Variants in XRCC4 observed in about 807,000 individuals in gnomAD.
The protein encoded by XRCC4 is DNA repair protein XRCC4.
A neutral mutation model predicts 39.1 loss-of-function variants in XRCC4; 28 were observed. The ratio of observed to expected loss-of-function variants is 0.72; its 90% confidence interval spans 0.53 to 0.98. The LOEUF (loss-of-function observed/expected upper bound fraction) is 0.98. Ranked by LOEUF, XRCC4 falls within the 50% of genes least tolerant of loss-of-function variation. The pLI is 0.00. For synonymous variants in XRCC4, 123 were observed against 126.4 expected (o/e 0.97, Z 0.18); for missense variants, 350 against 376.4 (o/e 0.93, Z 0.58).
intron 7 of XRCC4, among the ~76,000 whole-genome samples, chr5:83,334,588 T>C: frequency 6.6e-6 from 1 of 151,866 alleles, no homozygotes; most frequent in East Asian, 1.9e-4. Flanking sequence ...AACAAATTAT[T>C]AAGGGAAAAA....
chr5:83,092,849 G>A (rs1745490480), intron 1 of XRCC4, among the ~76,000 whole-genome samples: 1 of 151,926 alleles, frequency 6.6e-6, no homozygotes, highest in Non-Finnish European at 1.5e-5. Flanking sequence ...AAGGAAAATT[G>A]CAAGAGATGA....
At chr5:83,313,471 C>A in intron 7 of XRCC4, among the ~76,000 whole-genome samples, 1 of 151,984 alleles carries the variant, frequency 6.6e-6, no homozygotes, top group Admixed American at 6.6e-5. Context: ...TTTTTTCCCC[C>A]CAGTTTTTAC....
intron 3 of XRCC4, among the ~76,000 whole-genome samples, chr5:83,152,654 GAAAT>G (rs1748767699): frequency 7.1e-6 from 1 of 140,800 alleles, no homozygotes; most frequent in Non-Finnish European, 1.6e-5. Context: ...AAAAAAAAAA[GAAAT>G]AGAACTTCAA....
At chr5:83,351,499 G>A (rs1246260107) in intron 7 of XRCC4, among the ~76,000 whole-genome samples, 1 of 152,116 alleles carries the variant, frequency 6.6e-6, no homozygotes, top group Middle Eastern at 3.4e-3. Context: ...AATGTTTAAC[G>A]TGTTTTGAGT....
chr5:83,262,359 T>G (rs1753782545), intron 7 of XRCC4, among the ~76,000 whole-genome samples: 1 of 152,164 alleles, frequency 6.6e-6, no homozygotes, highest in Non-Finnish European at 1.5e-5. Flanking sequence ...CATAAAGTTC[T>G]AAATTGAAAT....
chr5:83,124,019 A>C (rs1747138238), intron 3 of XRCC4, among the ~76,000 whole-genome samples: 1 of 152,172 alleles, frequency 6.6e-6, no homozygotes, highest in Non-Finnish European at 1.5e-5. Flanking sequence ...GATGATAACA[A>C]TATATAACTG....
intron 7 of XRCC4, among the ~76,000 whole-genome samples, chr5:83,311,842 TATTA>T (rs1284060113): frequency 6.6e-6 from 1 of 152,092 alleles, no homozygotes; most frequent in Non-Finnish European, 1.5e-5. Flanking sequence ...AAAGGCTATT[TATTA>T]AATATTCAAT....
chr5:83,119,430 G>A (rs954936627), intron 3 of XRCC4, among the ~76,000 whole-genome samples: 2 of 152,148 alleles, frequency 1.3e-5, no homozygotes, highest in African/African-American at 4.8e-5. Flanking sequence ...TGAGGACTAA[G>A]TAATGTAAGT....
rs145124932 is a variant in XRCC4, at chr5:83,214,896, C to T, written c.745+9975C>T. ...TAAAGAAATTAAGGAAAAGAATTGCCTTCACAATAGCATCAAAAAATACCT... is the reference window on the plus strand; with the variant it reads ...TAAAGAAATTAAGGAAAAGAATTGCTTTCACAATAGCATCAAAAAATACCT... On this transcript the variant is annotated intron_variant, in intron 6 of 7. Coordinates refer to ENST00000396027, the MANE Select transcript of XRCC4 (RefSeq NM_003401.5). 1.3e-4 allele frequency among the ~76,000 whole-genome samples: 19 copies of T among 150,396 alleles called. No individual in the cohort carries two copies. The East Asian group carries it at 3.7e-3, about 29-fold the overall frequency.
chr5:83,349,305 G>C (rs919135182), intron 7 of XRCC4, among the ~76,000 whole-genome samples: 1 of 152,150 alleles, frequency 6.6e-6, no homozygotes, highest in African/African-American at 2.4e-5. Context: ...TTCAGGTGGG[G>C]ACACAAAGCC....
intron 1 of XRCC4, among the ~76,000 whole-genome samples, chr5:83,088,497 T>C (rs900934483): frequency 1.3e-5 from 2 of 151,962 alleles, no homozygotes; most frequent in African/African-American, 4.8e-5. Context: ...TTCAACTTAA[T>C]GGGAAATTTT....
chr5:83,256,166 G>A (rs767137977), intron 6 of XRCC4, among the ~76,000 whole-genome samples: 15 of 152,184 alleles, frequency 9.9e-5, no homozygotes, highest in Non-Finnish European at 2.1e-4. Context: ...CTCCTTAGGA[G>A]TACAGATTTC....
At chr5:83,180,494 C>T (rs1750157407) in intron 3 of XRCC4, among the ~76,000 whole-genome samples, 1 of 152,112 alleles carries the variant, frequency 6.6e-6, no homozygotes, top group Non-Finnish European at 1.5e-5. Flanking sequence ...TCTGTATCTA[C>T]AGGGAGTTAT....
In XRCC4 at chr5:83,256,329, T is replaced by G. The variant is rs28360222; in HGVS notation, c.746-2201T>G. Among the ~76,000 whole-genome samples, 569 of 152,340 alleles carry G rather than the reference T, an allele frequency of 3.7e-3. 1 individual carries two copies. Among genetic ancestry groups the G allele is most frequent in the Non-Finnish European group, 7.1e-3 (482 of 68,028 alleles). On this transcript the variant is annotated intron_variant, in intron 6 of 7. Transcript: ENST00000396027. ...ATACATGAGGTAATCACTTCCCAAA[T>G]ACAGTATCCTTTTTGGTTGCCAATT...
chr5:83,155,589 T>C (rs1748919219), intron 3 of XRCC4, among the ~76,000 whole-genome samples: 2 of 152,144 alleles, frequency 1.3e-5, no homozygotes, highest in South Asian at 4.1e-4. Context: ...GACTAGCCTA[T>C]ACTAGTGTGA....
At chr5:83,200,905 TAAA>T (rs1751162293) in intron 4 of XRCC4, among the ~76,000 whole-genome samples, 1 of 152,184 alleles carries the variant, frequency 6.6e-6, no homozygotes, top group Admixed American at 6.5e-5. Context: ...ATCTGAAATA[TAAA>T]TGTAGTGACA....
intron 7 of XRCC4, among the ~76,000 whole-genome samples, chr5:83,292,617 A>C (rs1271091815): frequency 2.0e-5 from 3 of 152,026 alleles, no homozygotes; most frequent in African/African-American, 7.2e-5. Context: ...TTTTGTAAAT[A>C]AAATTAATGA....
At chr5:83,328,266 C>T (rs557841495) in intron 7 of XRCC4, among the ~76,000 whole-genome samples, 2 of 152,190 alleles carry the variant, frequency 1.3e-5, no homozygotes, top group South Asian at 4.1e-4. Context: ...CCTCCCACAA[C>T]ACGTGGGAAT....
chr5:83,288,489 A>G (rs1167151700), intron 7 of XRCC4, among the ~76,000 whole-genome samples: 2 of 151,786 alleles, frequency 1.3e-5, no homozygotes, highest in Admixed American at 6.6e-5. Context: ...GTTCTTGTCT[A>G]TTATGTCTTA....
Sources: allele counts gnomAD v4.1 joint callset (sites outside exome capture counted in the v4.1 genomes callset), GRCh38; gene constraint gnomAD v4.1.1; transcripts MANE v1.5; gene names NCBI Gene and HGNC (gene_info 2026-07-23, HGNC 2026-07-21).